MYRIP: variants seen among roughly 807,000 people sequenced by gnomAD.
MYRIP encodes the protein myosin VIIA and Rab interacting protein.
MYRIP carries 49 observed loss-of-function variants against 98.0 expected under a neutral mutation model. The observed-to-expected ratio is 0.50, with a 90% confidence interval of 0.40 to 0.63. The LOEUF is 0.63. Among genes scored for constraint, MYRIP ranks in the 30% least tolerant of loss-of-function variants. The probability of loss-of-function intolerance (pLI) is 0.00; values close to 1 mark genes in which losing one functional copy is unlikely to be tolerated. For missense variants in MYRIP, 1,004 were observed against 1,058.2 expected (o/e 0.95, Z 0.71); for synonymous variants, 404 against 409.5 (o/e 0.99, Z 0.16).
At chr3:40,171,116 T>C (rs1950602548) in intron 8 of MYRIP, among the ~76,000 whole-genome samples, 1 of 151,980 alleles carries the variant, frequency 6.6e-6, no homozygotes, top group South Asian at 2.1e-4. Flanking sequence ...GTCAGCTTGT[T>C]TTACTGCTGC....
At chr3:40,037,972 A>G (rs1205597776) in intron 2 of MYRIP, among the ~76,000 whole-genome samples, 6 of 152,110 alleles carry the variant, frequency 3.9e-5, no homozygotes, top group Non-Finnish European at 7.4e-5. Context: ...ACCTGCCTCA[A>G]TCACTTTTTG....
intron 2 of MYRIP, among the ~76,000 whole-genome samples, chr3:40,002,029 C>G (rs1297719654): frequency 1.3e-5 from 2 of 152,162 alleles, no homozygotes; most frequent in Admixed American, 6.5e-5. Context: ...GCCTTGCACT[C>G]TAGAAGTATT....
chr3:40,103,691 G>A (rs539030338), intron 3 of MYRIP, among the ~76,000 whole-genome samples: 10 of 152,192 alleles, frequency 6.6e-5, no homozygotes, highest in Admixed American at 3.9e-4. Flanking sequence ...CCCAGGAGGC[G>A]GAGGTTGCAG....
rs1436200182 is a variant in MYRIP, at chr3:40,044,132, A to C, written c.193A>C (p.Met65Leu). The part of the protein sequence containing the change: ...KHQQFVEHCC[M>L]RCCSPFTFLV... Reference sequence around the variant, plus strand: ...CCAGCAGTTTGTGGAGCACTGCTGCATGCGCTGCTGCTCGCCCTTCACCTT... The same window carrying C: ...CCAGCAGTTTGTGGAGCACTGCTGCCTGCGCTGCTGCTCGCCCTTCACCTT... The change falls in exon 3 of 17, where the codon ATG (methionine) becomes CTG (leucine). Residue 65 changes from methionine (M) to leucine (L), a missense_variant. By Grantham distance (15) the Met-to-Leu change is conservative. Around this residue, in one of 3 missense-constraint regions of MYRIP, gnomAD observed 880 missense variants for 907.7 expected, o/e 0.97. Coordinates refer to ENST00000302541, the MANE Select transcript of MYRIP (RefSeq NM_015460.4). 1 of 1,614,082 alleles carries C rather than the reference A, an allele frequency of 6.2e-7. No homozygotes were observed. The highest frequency in any genetic ancestry group is 1.3e-5 in the African/African-American group (1 of 74,942).
intron 4 of MYRIP, among the ~76,000 whole-genome samples, chr3:40,161,236 T>C (rs1950387502): frequency 6.6e-6 from 1 of 152,096 alleles, no homozygotes. Context: ...TGAAAAAACA[T>C]CACATCATAC....
rs1467239725 is a variant in MYRIP at position 40,044,610 on chromosome 3, G to T, written c.332+339G>T. Among the ~76,000 whole-genome samples the T allele has an allele frequency of 2.0e-5, 3 of 152,242 alleles. No homozygotes were observed. The East Asian group carries it at 5.8e-4, about 29-fold the overall frequency. Reference sequence around the variant, plus strand: ...GCATAAGCATGTGTTGGATTCTTAGGAATTATGCTGGGTGCAGGAAACATG... The same window carrying T: ...GCATAAGCATGTGTTGGATTCTTAGTAATTATGCTGGGTGCAGGAAACATG... On this transcript the variant is annotated intron_variant, in intron 3 of 16. Coordinates refer to ENST00000302541, the MANE Select transcript of MYRIP (RefSeq NM_015460.4).
At chr3:40,189,333 G>C (rs1951131707) in intron 9 of MYRIP, among the ~76,000 whole-genome samples, 1 of 152,176 alleles carries the variant, frequency 6.6e-6, no homozygotes, top group African/African-American at 2.4e-5. Context: ...CTATTACGAA[G>C]TAGGATCTAT....
At chr3:40,029,810 A>G (rs916185732) in intron 2 of MYRIP, among the ~76,000 whole-genome samples, 5 of 152,106 alleles carry the variant, frequency 3.3e-5, no homozygotes, top group African/African-American at 1.2e-4. Context: ...CTGTAATCCC[A>G]GTGCTTTGGG....
chr3:39,969,942 C>G (rs1247222749), intron 2 of MYRIP, among the ~76,000 whole-genome samples: 1 of 152,102 alleles, frequency 6.6e-6, no homozygotes, highest in Non-Finnish European at 1.5e-5. Flanking sequence ...GAGAATCTAT[C>G]AGGTCCCAGG....
intron 11 of MYRIP, among the ~76,000 whole-genome samples, chr3:40,230,471 C>T (rs1391320710): frequency 6.6e-6 from 1 of 152,312 alleles, no homozygotes; most frequent in East Asian, 1.9e-4. Context: ...CTAGACTGGA[C>T]AGGGAACAGG....
intron 3 of MYRIP, among the ~76,000 whole-genome samples, chr3:40,074,709 T>C (rs1948305549): frequency 6.6e-6 from 1 of 152,040 alleles, no homozygotes; most frequent in African/African-American, 2.4e-5. Flanking sequence ...GAGAAAATAC[T>C]TACAAAACAT....
At chr3:40,067,433 G>A (rs1220553282) in intron 3 of MYRIP, among the ~76,000 whole-genome samples, 1 of 152,138 alleles carries the variant, frequency 6.6e-6, no homozygotes, top group Non-Finnish European at 1.5e-5. Flanking sequence ...AATGACTGGG[G>A]TTACTACTGA....
At chr3:40,015,837 A>C in intron 2 of MYRIP, among the ~76,000 whole-genome samples, 1 of 152,330 alleles carries the variant, frequency 6.6e-6, no homozygotes, top group Non-Finnish European at 1.5e-5. Flanking sequence ...CATCATATCT[A>C]TTTTGAAATT....
intron 13 of MYRIP, 99 bp downstream of exon 13, chr3:40,244,706 C>T: frequency 1.6e-6 from 2 of 1,279,330 alleles, no homozygotes; most frequent in Non-Finnish European, 2.1e-6. Flanking sequence ...TCTATCAGCT[C>T]CCATCATCTC....
chr3:40,243,974 T>C (rs918196588), intron 12 of MYRIP, among the ~76,000 whole-genome samples: 3 of 152,208 alleles, frequency 2.0e-5, no homozygotes, highest in Non-Finnish European at 4.4e-5. Context: ...CAGAAGCTAA[T>C]TAATCAGAGA....
chr3:40,095,938 C>T (rs1948821986), intron 3 of MYRIP, among the ~76,000 whole-genome samples: 1 of 151,630 alleles, frequency 6.6e-6, no homozygotes, highest in Admixed American at 6.6e-5. Flanking sequence ...CACACACACA[C>T]ATCCCCATTT....
chr3:39,922,397 T>A (rs1272121177), intron 2 of MYRIP, among the ~76,000 whole-genome samples: 1 of 152,240 alleles, frequency 6.6e-6, no homozygotes, highest in Non-Finnish European at 1.5e-5. Flanking sequence ...TTATCCTTAA[T>A]GGCCAGTAAT....
chr3:40,257,904 A>G (rs878979860), intron 16 of MYRIP, among the ~76,000 whole-genome samples: 3 of 152,222 alleles, frequency 2.0e-5, no homozygotes, highest in African/African-American at 7.2e-5. Flanking sequence ...TGGTAGTGGG[A>G]AAGAAGGCAC....
chr3:39,951,089 A>C (rs1945002567), intron 2 of MYRIP, among the ~76,000 whole-genome samples: 1 of 152,184 alleles, frequency 6.6e-6, no homozygotes, highest in Non-Finnish European at 1.5e-5. Flanking sequence ...ACAGAACAAC[A>C]AGAAGTTTTG....
Sources: gnomAD v4.1 joint callset for allele counts (sites outside exome capture counted in the v4.1 genomes callset) on GRCh38, gnomAD v4.1.1 for gene constraint, gnomAD v4.1.1 regional missense constraint, MANE v1.5 for transcripts, NCBI Gene and HGNC (gene_info 2026-07-23, HGNC 2026-07-21) for gene names.